Variants in RAB6B observed in about 807,000 individuals in gnomAD.
The protein encoded by RAB6B is ras-related protein Rab-6B.
RAB6B carries 7 observed loss-of-function variants against 31.2 expected under a neutral mutation model. That is an observed-to-expected ratio of 0.22 (90% CI 0.13 to 0.42). RAB6B has a LOEUF of 0.42. Ranked by LOEUF, RAB6B falls within the 10% of genes least tolerant of loss-of-function variation. RAB6B has a pLI of 1.00. For synonymous variants in RAB6B, 105 were observed against 104.9 expected (o/e 1.00, Z -0.01); for missense variants, 149 against 280.6 (o/e 0.53, Z 3.35).
chr3:133,843,622 T>C (rs1354639408), intron 2 of RAB6B, among the ~76,000 whole-genome samples: 1 of 152,178 alleles, frequency 6.6e-6, no homozygotes, highest in Non-Finnish European at 1.5e-5. Flanking sequence ...AGTATGTAGT[T>C]TCCCTTTCTA....
intron 1 of RAB6B, among the ~76,000 whole-genome samples, chr3:133,889,435 TA>T (rs1559915507): frequency 2.2e-4 from 25 of 114,510 alleles, no homozygotes; most frequent in African/African-American, 7.9e-4. Context: ...TATATATATA[TA>T]TATATATATT....
Position 133,828,360 on chromosome 3 carries a change from A to G in RAB6B, c.*428T>C. 5.6e-6 allele frequency: 2 copies of G among 355,742 alleles called. No homozygotes were observed. Among genetic ancestry groups the G allele is most frequent in the East Asian group, 1.3e-4 (2 of 15,420 alleles). The allele number at this position is 355,742 out of a possible 1,614,324, so 22.0% of individuals were successfully genotyped here. A position where few individuals can be genotyped will look rare whatever the true frequency, so the allele number is the denominator to read the frequency against. On this transcript the variant is annotated 3_prime_UTR_variant, in exon 8 of 8. Coordinates refer to ENST00000285208, the MANE Select transcript of RAB6B (RefSeq NM_016577.4). ...ATTGGGCTGGGGATAGGAGGAAGGC[A>G]GAGGTGATGAATGGTTCAAAGAGAA...
rs115925754 is a variant in RAB6B, at chr3:133,844,863, G to C, written c.130-3200C>G. On this transcript the variant is annotated intron_variant, in intron 2 of 7. Coordinates refer to ENST00000285208, the MANE Select transcript of RAB6B (RefSeq NM_016577.4). ...GAGGCTGAGGGGAAGAATCGCTTGAGGCTGGTGGGGCTGAGGATGCAGTGA... is the reference window on the plus strand; with the variant it reads ...GAGGCTGAGGGGAAGAATCGCTTGACGCTGGTGGGGCTGAGGATGCAGTGA... Among the ~76,000 whole-genome samples the C allele has an allele frequency of 2.1e-3, 317 of 152,084 alleles. 2 individuals are homozygous for C. The highest frequency in any genetic ancestry group is 7.2e-3 in the African/African-American group (300 of 41,478).
At chr3:133,855,208 G>A (rs984983771) in intron 2 of RAB6B, among the ~76,000 whole-genome samples, 1 of 152,276 alleles carries the variant, frequency 6.6e-6, no homozygotes, top group African/African-American at 2.4e-5. Flanking sequence ...TTCCAGACTG[G>A]CAAGTGGGTG....
intron 1 of RAB6B, among the ~76,000 whole-genome samples, chr3:133,889,012 G>A (rs974319173): frequency 1.3e-5 from 2 of 152,160 alleles, no homozygotes; most frequent in African/African-American, 4.8e-5. Context: ...GTGAGAAATG[G>A]AAAAGAATGG....
chr3:133,880,315 G>A (rs1367965554), intron 1 of RAB6B, among the ~76,000 whole-genome samples: 1 of 152,252 alleles, frequency 6.6e-6, no homozygotes, highest in African/African-American at 2.4e-5. Context: ...AAAGAAGGCT[G>A]AGGCAGGGAG....
At chr3:133,889,310 G>A (rs1367985738) in intron 1 of RAB6B, among the ~76,000 whole-genome samples, 2 of 149,834 alleles carry the variant, frequency 1.3e-5, no homozygotes, top group South Asian at 2.1e-4. Context: ...TTGCAATGTC[G>A]GGGCAACATC....
At chr3:133,885,546 T>C (rs1162850407) in intron 1 of RAB6B, 3 of 702,858 alleles carry the variant, frequency 4.3e-6, no homozygotes, top group African/African-American at 3.5e-5. Context: ...CAATGGCCAG[T>C]TTCTGGTCAT....
At chr3:133,879,734 T>C (rs536912083) in intron 1 of RAB6B, among the ~76,000 whole-genome samples, 1 of 152,310 alleles carries the variant, frequency 6.6e-6, no homozygotes, top group Admixed American at 6.5e-5. Context: ...TCAGCTCACT[T>C]ATGTTCTGAA....
chr3:133,834,267 A>G (rs997768908), intron 7 of RAB6B, among the ~76,000 whole-genome samples: 65 of 152,246 alleles, frequency 4.3e-4, no homozygotes, highest in African/African-American at 1.5e-3. Flanking sequence ...TGAAACCCAT[A>G]AACATGCTCG....
Position 133,827,453 on chromosome 3 carries a change from C to T in RAB6B, c.*1335G>A, listed in dbSNP as rs12637730. On this transcript the variant is annotated 3_prime_UTR_variant, in exon 8 of 8. Transcript: ENST00000285208. Reference sequence around the variant, plus strand: ...CTTAGTGGGAAGAGAGAGTTCTCTTCAGAGACTTTGCAGATTCTCAGGACT... The same window carrying T: ...CTTAGTGGGAAGAGAGAGTTCTCTTTAGAGACTTTGCAGATTCTCAGGACT... The T allele has an allele frequency of 0.14, 23,831 of 166,498 alleles. 2,441 individuals carry two copies. The highest frequency in any genetic ancestry group is 0.39 in the East Asian group (2,272 of 5,754). The allele number at this position is 166,498 out of a possible 1,614,324, so 10.3% of individuals were successfully genotyped here.
intron 2 of RAB6B, among the ~76,000 whole-genome samples, chr3:133,859,363 C>T (rs1425552003): frequency 6.6e-6 from 1 of 152,162 alleles, no homozygotes; most frequent in Non-Finnish European, 1.5e-5. Context: ...TGCTCAGTAA[C>T]CTCAGAATCT....
intron 2 of RAB6B, among the ~76,000 whole-genome samples, chr3:133,853,468 T>G (rs1186376218): frequency 6.6e-6 from 1 of 151,104 alleles, no homozygotes; most frequent in African/African-American, 2.4e-5. Flanking sequence ...AGCATATGTC[T>G]GCCGGCAAAT....
intron 2 of RAB6B, among the ~76,000 whole-genome samples, chr3:133,859,833 T>A (rs1164350281): frequency 6.6e-6 from 1 of 152,178 alleles, no homozygotes; most frequent in Admixed American, 6.5e-5. Context: ...GCCAGATAAG[T>A]GGCCTGCAGA....
chr3:133,868,059 T>C (rs1936261746), intron 1 of RAB6B, among the ~76,000 whole-genome samples: 1 of 152,052 alleles, frequency 6.6e-6, no homozygotes, highest in African/African-American at 2.4e-5. Flanking sequence ...GAGGCAGAGC[T>C]TATTAAAAGG....
rs1053644808 is a variant in RAB6B at position 133,825,890 on chromosome 3, C to G, written c.*2898G>C. ...AATCCTCCAATTTGCCCTCTGCTAA[C>G]CCATCTGGATTCAGCAAAGATGCAA... On this transcript the variant is annotated 3_prime_UTR_variant, in exon 8 of 8. Transcript: ENST00000285208. The G allele has an allele frequency of 4.6e-5, 7 of 152,228 alleles. No individual in the cohort carries two copies. Among genetic ancestry groups the G allele is most frequent in the African/African-American group, 1.7e-4 (7 of 41,446 alleles). The allele number at this position is 152,228 out of a possible 1,614,324, so 9.4% of individuals were successfully genotyped here.
intron 6 of RAB6B, 83 bp downstream of exon 6, chr3:133,838,083 A>C: frequency 7.1e-7 from 1 of 1,403,628 alleles, no homozygotes; most frequent in South Asian, 1.2e-5. Flanking sequence ...CCTTCAGGGC[A>C]AGGCAGCTCT....
At position 133,880,162 on chromosome 3, in the gene RAB6B, T is replaced by C. The variant is rs1202262526; in HGVS notation, c.70+15235A>G. On this transcript the variant is annotated intron_variant, in intron 1 of 7. Transcript: ENST00000285208. ...CAAGGCTAGTATTAATGTAACTTGG[T>C]AGCTTATTTAACTGACAGAAGTCTT... Among the ~76,000 whole-genome samples, 3 of 152,258 alleles carry C rather than the reference T, an allele frequency of 2.0e-5. No homozygotes were observed. In the East Asian group the frequency reaches 5.8e-4, roughly 29 times the overall value.
chr3:133,870,310 G>A (rs1289300677), intron 1 of RAB6B, among the ~76,000 whole-genome samples: 5 of 152,096 alleles, frequency 3.3e-5, no homozygotes, highest in African/African-American at 1.2e-4. Context: ...GGGGGAAACC[G>A]CCCCCATGAT....
Sources: allele counts gnomAD v4.1 joint callset (sites outside exome capture counted in the v4.1 genomes callset), GRCh38; gene constraint gnomAD v4.1.1; transcripts MANE v1.5; gene names NCBI Gene and HGNC (gene_info 2026-07-23, HGNC 2026-07-21).